AXDND1: variants seen among roughly 807,000 people sequenced by gnomAD.
AXDND1 encodes axonemal dynein light chain domain containing 1.
AXDND1 carries 110 observed loss-of-function variants against 137.5 expected under a neutral mutation model. The ratio of observed to expected loss-of-function variants is 0.80; its 90% CI spans 0.69 to 0.94. AXDND1 has a LOEUF of 0.94. AXDND1 is among the 40% of genes least tolerant of loss of function. The probability of loss-of-function intolerance (pLI) is 0.00; values close to 1 mark genes in which losing one functional copy is unlikely to be tolerated. For missense variants in AXDND1, 1,191 were observed against 1,169.8 expected (o/e 1.02, Z -0.26); for synonymous variants, 414 against 399.7 (o/e 1.04, Z -0.43).
At chr1:179,475,763 C>T (rs1664536064) in intron 17 of AXDND1, among the ~76,000 whole-genome samples, 1 of 152,112 alleles carries the variant, frequency 6.6e-6, no homozygotes, top group Non-Finnish European at 1.5e-5. Flanking sequence ...TTGGTTTTGA[C>T]ATGTGAAATT....
intron 19 of AXDND1, among the ~76,000 whole-genome samples, chr1:179,492,134 C>T (rs946310217): frequency 1.3e-5 from 2 of 152,116 alleles, no homozygotes; most frequent in Admixed American, 1.3e-4. Flanking sequence ...AATGTAGTAG[C>T]GTGATCTCGG....
chr1:179,367,971 C>G (rs1667632200), intron 2 of AXDND1, among the ~76,000 whole-genome samples: 1 of 146,550 alleles, frequency 6.8e-6, no homozygotes, highest in African/African-American at 2.5e-5. Flanking sequence ...CCCCACCCAA[C>G]TTTTTTTTTT....
chr1:179,409,609 G>T (rs1433644596), intron 11 of AXDND1, among the ~76,000 whole-genome samples: 1 of 152,032 alleles, frequency 6.6e-6, no homozygotes. Context: ...AGCCAGGTAC[G>T]GTGGCTCATG....
intron 11 of AXDND1, among the ~76,000 whole-genome samples, chr1:179,403,474 A>T (rs545037052): frequency 6.6e-6 from 1 of 152,354 alleles, no homozygotes; most frequent in East Asian, 1.9e-4. Context: ...TACTGTACTA[A>T]ACGTGATGGA....
At chr1:179,430,316 G>A (rs1657179116) in intron 13 of AXDND1, 136 bp from the exon 14 acceptor site, 4 of 696,112 alleles carry the variant, frequency 5.7e-6, no homozygotes, top group South Asian at 4.9e-5. Context: ...GTGTAGTAGT[G>A]TAACTTTTCA....
intron 17 of AXDND1, among the ~76,000 whole-genome samples, chr1:179,473,362 G>T (rs549603043): frequency 6.6e-6 from 1 of 152,112 alleles, no homozygotes; most frequent in South Asian, 2.1e-4. Flanking sequence ...GCTGGGTGTG[G>T]TGGTGGGTGC....
chr1:179,374,807 A>G lies in AXDND1; in HGVS notation c.375-3830A>G, dbSNP rs1668416179. Among the ~76,000 whole-genome samples, 3 of 126,750 alleles carry G rather than the reference A, an allele frequency of 2.4e-5. 1 individual carries two copies. Among genetic ancestry groups the G allele is most frequent in the Admixed American group, 1.8e-4 (2 of 10,928 alleles). The allele number at this position is 126,750 out of a possible 152,430, so 83.2% of individuals were successfully genotyped here. A position where few individuals can be genotyped will look rare whatever the true frequency, so the allele number is the denominator to read the frequency against. ...ACCTGGACACAGGGTGGGGAACATC[A>G]CACACCGGGGCCTGTCGTGGGATGG... On this transcript the variant is annotated intron_variant, in intron 4 of 25. Coordinates refer to ENST00000367618, the MANE Select transcript of AXDND1 (RefSeq NM_144696.6).
At chr1:179,466,763 TG>T (rs1430934966) in intron 16 of AXDND1, among the ~76,000 whole-genome samples, 1 of 152,168 alleles carries the variant, frequency 6.6e-6, no homozygotes, top group Non-Finnish European at 1.5e-5. Flanking sequence ...GGACATTGTG[TG>T]TGAAGAGTTT....
At chr1:179,425,739 G>A (rs1656449727) in intron 12 of AXDND1, among the ~76,000 whole-genome samples, 1 of 151,880 alleles carries the variant, frequency 6.6e-6, no homozygotes, top group South Asian at 2.1e-4. Flanking sequence ...GCAGTGAGCT[G>A]AGATCACACC....
At chr1:179,366,667 C>G (rs1667443968) in intron 2 of AXDND1, 61 bp downstream of exon 2, 3 of 1,402,126 alleles carry the variant, frequency 2.1e-6, no homozygotes, top group Middle Eastern at 1.8e-4. Flanking sequence ...AATCACCTTC[C>G]ATTCACCGGT....
chr1:179,509,211 A>G, intron 20 of AXDND1, 85 bp from the exon 21 acceptor site: 1 of 799,540 alleles, frequency 1.3e-6, no homozygotes, highest in Non-Finnish European at 2.0e-6. Flanking sequence ...TTATGTTTAG[A>G]GGAATTGTAT....
intron 18 of AXDND1, among the ~76,000 whole-genome samples, chr1:179,488,634 CCTTT>C (rs57848949): frequency 0.031 from 3,227 of 104,750 alleles, 125 homozygotes; most frequent in African/African-American, 0.04. Flanking sequence ...CTCTCTCTCT[CCTTT>C]CTTTCTTTCT....
intron 18 of AXDND1, among the ~76,000 whole-genome samples, chr1:179,485,846 G>A (rs1006918085): frequency 1.3e-5 from 2 of 152,054 alleles, no homozygotes; most frequent in African/African-American, 2.4e-5. Flanking sequence ...CACCAGGCGC[G>A]GTGGCTTATG....
chr1:179,492,277 G>C (rs1376699952), intron 19 of AXDND1, among the ~76,000 whole-genome samples: 1 of 152,036 alleles, frequency 6.6e-6, no homozygotes, highest in Non-Finnish European at 1.5e-5. Context: ...GTTTTGCCAT[G>C]TTGGCCAGGC....
chr1:179,402,386 T>C (rs1652236829), intron 11 of AXDND1, among the ~76,000 whole-genome samples: 1 of 152,208 alleles, frequency 6.6e-6, no homozygotes, highest in Non-Finnish European at 1.5e-5. Context: ...GCTGATGATC[T>C]TGCTTTCTAA....
intron 20 of AXDND1, among the ~76,000 whole-genome samples, chr1:179,505,390 T>C (rs1037531110): frequency 1.3e-5 from 2 of 152,182 alleles, no homozygotes; most frequent in Non-Finnish European, 2.9e-5. Context: ...CAGTGGTTCA[T>C]GCCTGTAATC....
intron 25 of AXDND1, chr1:179,545,461 C>T (rs1672556596): frequency 6.6e-6 from 1 of 152,090 alleles, no homozygotes; most frequent in Admixed American, 6.6e-5. Flanking sequence ...CACTCTTTAC[C>T]TCTGCGAAAA....
At chr1:179,382,322 C>G in intron 6 of AXDND1, among the ~76,000 whole-genome samples, 1 of 152,038 alleles carries the variant, frequency 6.6e-6, no homozygotes, top group Admixed American at 6.6e-5. Context: ...CTCAAGTGAT[C>G]TGCCCGCCTC....
chr1:179,502,562 T>TAAAAAAAAA (rs35740934), intron 20 of AXDND1, among the ~76,000 whole-genome samples: 1 of 81,084 alleles, frequency 1.2e-5, no homozygotes, highest in Non-Finnish European at 2.3e-5. Flanking sequence ...AAACTCTGTC[T>TAAAAAAAAA]AAAAAAAAAA....
Sources: allele counts gnomAD v4.1 joint callset (sites outside exome capture counted in the v4.1 genomes callset), GRCh38; gene constraint gnomAD v4.1.1; transcripts MANE v1.5; gene names NCBI Gene and HGNC (gene_info 2026-07-23, HGNC 2026-07-21).